Variants in PTGER4 observed in about 807,000 individuals in gnomAD.
PTGER4 encodes the protein prostaglandin E receptor 4.
In PTGER4, 11 loss-of-function variants were observed where a neutral mutation model predicts 33.2. That is an observed-to-expected ratio of 0.33 (90% CI 0.21 to 0.55). The LOEUF is 0.55. PTGER4 is among the 20% of genes least tolerant of loss of function. PTGER4 has a pLI of 0.92. For synonymous variants in PTGER4, 275 were observed against 281.5 expected, an observed-to-expected ratio of 0.98 and a Z score of 0.23; for missense variants, 481 against 650.2, an observed-to-expected ratio of 0.74 and a Z score of 2.83.
At chr5:40,738,944 C>A in the PTGER4 span, among the ~76,000 whole-genome samples, 1 of 152,204 alleles carries the variant, frequency 6.6e-6, no homozygotes, top group Non-Finnish European at 1.5e-5. Flanking sequence ...ACTCTGGAAA[C>A]AAGTCCTACG....
the PTGER4 span, among the ~76,000 whole-genome samples, chr5:40,717,715 G>A: frequency 2.0e-5 from 3 of 152,180 alleles, no homozygotes; most frequent in Non-Finnish European, 4.4e-5. Context: ...TGTTTTCTCT[G>A]AGTATACTTA....
intron 2 of PTGER4, chr5:40,685,259 T>C: frequency 3.3e-6 from 1 of 307,192 alleles, no homozygotes; most frequent in South Asian, 1.3e-4. Flanking sequence ...AGGAAAATAC[T>C]TCCTGTGACT....
At chr5:40,712,076 T>G in the PTGER4 span, among the ~76,000 whole-genome samples, 1 of 152,262 alleles carries the variant, frequency 6.6e-6, no homozygotes, top group African/African-American at 2.4e-5. Flanking sequence ...TAAGTTATAC[T>G]CATTTAAGAA....
the PTGER4 span, among the ~76,000 whole-genome samples, chr5:40,740,224 G>A: frequency 6.6e-6 from 1 of 150,458 alleles, no homozygotes; most frequent in East Asian, 1.9e-4. Flanking sequence ...ACTTACCCAT[G>A]TTTACCACTT....
chr5:40,709,590 T>C, the PTGER4 span, among the ~76,000 whole-genome samples: 8 of 152,262 alleles, frequency 5.3e-5, no homozygotes, highest in African/African-American at 1.9e-4. Context: ...ATCAATATCA[T>C]GAAAATGGCC....
chr5:40,698,798 C>A, the PTGER4 span, among the ~76,000 whole-genome samples: 1 of 152,104 alleles, frequency 6.6e-6, no homozygotes, highest in South Asian at 2.1e-4. Context: ...ATATAAACGG[C>A]CTTTACTCTG....
In PTGER4 at chr5:40,685,504, A is replaced by G. The variant is rs951120108; in HGVS notation, c.867+3644A>G. ...TTTGGGTATGACTATGACAGAATCT[A>G]AAAGACTGGATTTGTTCAAATAAAT... is the stretch of plus-strand genomic sequence containing the variant. On this transcript the variant is annotated intron_variant, in intron 2 of 2. Coordinates refer to ENST00000302472, the MANE Select transcript of PTGER4 (RefSeq NM_000958.3). 2.0e-4 allele frequency: 193 copies of G among 967,288 alleles called. 1 individual carries two copies. Among genetic ancestry groups the G allele is most frequent in the Non-Finnish European group, 2.2e-4 (182 of 813,500 alleles). The allele number at this position is 967,288 out of a possible 1,614,324, so 59.9% of individuals were successfully genotyped here. A position where few individuals can be genotyped will look rare whatever the true frequency, so the allele number is the denominator to read the frequency against.
At position 40,693,341 on chromosome 5, in the gene PTGER4, A is replaced by T; in HGVS notation, c.*963A>T. On this transcript the variant is annotated 3_prime_UTR_variant, in exon 3 of 3. Transcript: ENST00000302472. The stretch of plus-strand genomic sequence containing the variant: ...AAAATTTTAAAAATCTAAGCAGCTT[A>T]TTGTTTCTCTGAAAGTGTGTGTAGT... The T allele has an allele frequency of 1.3e-5, 13 of 982,324 alleles. No homozygotes were observed. The highest frequency in any genetic ancestry group is 1.5e-5 in the Non-Finnish European group (12 of 826,794). The allele number at this position is 982,324 out of a possible 1,614,324, so 60.9% of individuals were successfully genotyped here.
chr5:40,742,783 G>T, the PTGER4 span, among the ~76,000 whole-genome samples: 1 of 152,062 alleles, frequency 6.6e-6, no homozygotes, highest in Admixed American at 6.5e-5. Flanking sequence ...ATTCCCAAAG[G>T]TCCTTTGTGG....
At chr5:40,726,493 G>A in the PTGER4 span, among the ~76,000 whole-genome samples, 1 of 147,338 alleles carries the variant, frequency 6.8e-6, no homozygotes. Flanking sequence ...TCTTTTAAGA[G>A]AACAGCTTAA....
chr5:40,731,813 A>G, the PTGER4 span, among the ~76,000 whole-genome samples: 2 of 152,130 alleles, frequency 1.3e-5, no homozygotes, highest in African/African-American at 4.8e-5. Flanking sequence ...ACCAAGTTAA[A>G]ATGCTCCGTT....
chr5:40,732,905 G>A, the PTGER4 span, among the ~76,000 whole-genome samples: 1 of 152,056 alleles, frequency 6.6e-6, no homozygotes, highest in African/African-American at 2.4e-5. Context: ...ACCGCGCCCG[G>A]CCTAATATAA....
the PTGER4 span, among the ~76,000 whole-genome samples, chr5:40,740,279 T>C: frequency 1.8e-4 from 28 of 151,722 alleles, no homozygotes; most frequent in Non-Finnish European, 3.5e-4. Context: ...TTCTATCTAG[T>C]ATGATTTTCC....
chr5:40,725,608 C>A, the PTGER4 span, among the ~76,000 whole-genome samples: 1 of 152,046 alleles, frequency 6.6e-6, no homozygotes, highest in African/African-American at 2.4e-5. Flanking sequence ...GGCTGAGAAC[C>A]CTGGAAAGCC....
chr5:40,716,607 A>G, the PTGER4 span: 1 of 713,366 alleles, frequency 1.4e-6, no homozygotes, highest in Non-Finnish European at 2.3e-6. Flanking sequence ...ATCCTAATGC[A>G]TTATCTTAAT....
chr5:40,742,759 G>A, the PTGER4 span, among the ~76,000 whole-genome samples: 2 of 151,968 alleles, frequency 1.3e-5, no homozygotes, highest in African/African-American at 4.8e-5. Context: ...TCGGGAGGAG[G>A]GTGAGAAAAT....
At chr5:40,707,677 C>G in the PTGER4 span, among the ~76,000 whole-genome samples, 2 of 152,040 alleles carry the variant, frequency 1.3e-5, no homozygotes, top group Non-Finnish European at 1.5e-5. Context: ...TGCACCAAGT[C>G]GACCTAACAG....
rs575833207 is a variant in PTGER4, at chr5:40,691,536, G to A, written c.868-243G>A. 8.8e-4 allele frequency among the ~76,000 whole-genome samples: 134 copies of A among 151,656 alleles called. No individual in the cohort carries two copies. Among genetic ancestry groups the A allele is most frequent in the Middle Eastern group, 6.9e-3 (2 of 288 alleles). On this transcript the variant is annotated intron_variant, in intron 2 of 2. Coordinates refer to ENST00000302472, the MANE Select transcript of PTGER4 (RefSeq NM_000958.3). The surrounding 1 kb of genome is among the most constrained non-coding windows in gnomAD (Gnocchi z 4.2). Reference sequence around the variant, plus strand: ...TCGCCATGTTGGACAAGTTGGTCTCGGACTCCTGACCTCAAGTGATCCTCC... The same window carrying A: ...TCGCCATGTTGGACAAGTTGGTCTCAGACTCCTGACCTCAAGTGATCCTCC...
chr5:40,736,512 C>T, the PTGER4 span, among the ~76,000 whole-genome samples: 1 of 152,064 alleles, frequency 6.6e-6, no homozygotes, highest in African/African-American at 2.4e-5. Context: ...GCCAAGATGT[C>T]AAAGTTGGGA....
Sources: gnomAD v4.1 joint callset for allele counts (sites outside exome capture counted in the v4.1 genomes callset) on GRCh38, gnomAD v4.1.1 for gene constraint, Gnocchi (gnomAD v3.1) non-coding constraint, MANE v1.5 for transcripts, NCBI Gene and HGNC (gene_info 2026-07-23, HGNC 2026-07-21) for gene names.